AIMP1: variants seen among roughly 807,000 people sequenced by gnomAD.
AIMP1 encodes aminoacyl tRNA synthetase complex interacting multifunctional protein 1.
In AIMP1, 24 loss-of-function variants were observed where a neutral mutation model predicts 33.1. That is an observed-to-expected ratio of 0.73 (90% CI 0.53 to 1.02). The LOEUF is 1.02. Ranked by LOEUF, AIMP1 falls within the 50% of genes least tolerant of loss-of-function variation. The pLI is 0.00. For missense variants in AIMP1, 367 were observed against 364.8 expected (o/e 1.01, Z -0.05); for synonymous variants, 120 against 121.5 (o/e 0.99, Z 0.08).
At chr4:106,330,093 A>G (rs956899407) in intron 4 of AIMP1, among the ~76,000 whole-genome samples, 1 of 152,070 alleles carries the variant, frequency 6.6e-6, no homozygotes. Flanking sequence ...AGACTGCCAC[A>G]TATCTTAATT....
At chr4:106,318,987 T>C (rs773513453) in intron 1 of AIMP1, among the ~76,000 whole-genome samples, 12 of 152,148 alleles carry the variant, frequency 7.9e-5, no homozygotes, top group Admixed American at 3.3e-4. Context: ...CTTCTTGGGA[T>C]TGAAGCCATT....
chr4:106,322,212 C>G (rs1165595515), intron 1 of AIMP1, among the ~76,000 whole-genome samples: 1 of 151,902 alleles, frequency 6.6e-6, no homozygotes, highest in African/African-American at 2.4e-5. Context: ...ATCTGCTGAC[C>G]TTCCCTCCAC....
At chr4:106,333,252 G>A (rs1769747275) in intron 5 of AIMP1, among the ~76,000 whole-genome samples, 1 of 152,072 alleles carries the variant, frequency 6.6e-6, no homozygotes, top group Admixed American at 6.6e-5. Context: ...AAAAACAAGG[G>A]TGTTACTTGT....
upstream of AIMP1, chr4:106,316,501 C>T (rs1277594606): frequency 2.6e-6 from 4 of 1,535,844 alleles, no homozygotes; most frequent in Admixed American, 2.0e-5. Flanking sequence ...AAGGACACCT[C>T]ATTGGGTCCT....
chr4:106,335,533 T>C (rs986903811), intron 5 of AIMP1, among the ~76,000 whole-genome samples: 2 of 152,208 alleles, frequency 1.3e-5, no homozygotes, highest in Non-Finnish European at 2.9e-5. Context: ...TGGTACATTT[T>C]TCTAGGGAAA....
In AIMP1 at chr4:106,321,212, C is replaced by T. The variant is rs532393959; in HGVS notation, c.-25-3773C>T. 3.5e-3 allele frequency: 563 copies of T among 161,272 alleles called. 3 individuals carry two copies. The highest frequency in any genetic ancestry group is 0.013 in the African/African-American group (531 of 41,412). The allele number at this position is 161,272 out of a possible 1,614,324, so 10.0% of individuals were successfully genotyped here. ...GCGTCTTTGCCTGGCCGCCCATCGT[C>T]GGGGATGTGAGGAGCCCCTCTGCCC... On this transcript the variant is annotated intron_variant, in intron 1 of 6. Transcript: ENST00000672341.
At chr4:106,334,054 C>T (rs938867638) in intron 5 of AIMP1, among the ~76,000 whole-genome samples, 8 of 152,130 alleles carry the variant, frequency 5.3e-5, no homozygotes, top group African/African-American at 1.7e-4. Flanking sequence ...TTTCCTCTGT[C>T]CCATGGTGCT....
intron 1 of AIMP1, among the ~76,000 whole-genome samples, chr4:106,320,974 C>T (rs1308741956): frequency 6.6e-6 from 1 of 152,214 alleles, no homozygotes; most frequent in African/African-American, 2.4e-5. Context: ...TCTCCAGCTC[C>T]TGACCGCGAG....
chr4:106,347,282 T>C (rs1770340272), intron 6 of AIMP1, among the ~76,000 whole-genome samples: 1 of 152,078 alleles, frequency 6.6e-6, no homozygotes, highest in South Asian at 2.1e-4. Flanking sequence ...TTATTACTTA[T>C]AAAATATAAG....
At chr4:106,334,310 G>A (rs1769790046) in intron 5 of AIMP1, among the ~76,000 whole-genome samples, 1 of 150,028 alleles carries the variant, frequency 6.7e-6, no homozygotes, top group Non-Finnish European at 1.5e-5. Flanking sequence ...ACCCAGGCTG[G>A]AGTGCAGTGG....
intron 1 of AIMP1, among the ~76,000 whole-genome samples, chr4:106,323,965 T>C (rs1769366112): frequency 6.6e-6 from 1 of 152,124 alleles, no homozygotes; most frequent in Admixed American, 6.5e-5. Flanking sequence ...TATAGACTGA[T>C]GCTCAAAAAT....
At position 106,331,789 on chromosome 4, in the gene AIMP1, A is replaced by C. The variant is rs1320664515; in HGVS notation, c.509A>C (p.Asp170Ala). 2.5e-6 allele frequency: 4 copies of C among 1,614,022 alleles called. No homozygotes were observed. The highest frequency in any genetic ancestry group is 2.7e-5 in the African/African-American group (2 of 74,928). The change falls in exon 5 of 7, where the codon GAT becomes GCT. Residue 170 changes from aspartate (D) to alanine (A), a missense_variant. Coordinates refer to ENST00000672341, the MANE Select transcript of AIMP1 (RefSeq NM_001142416.2). ...GCIITARKHP[D>A]ADSLYVEEVD... ...ATCATAACTGCTAGAAAACACCCTG[A>C]TGCAGATTCTTTGTATGTGGAAGAA... is the stretch of plus-strand genomic sequence containing the variant.
intron 1 of AIMP1, 124 bp downstream of exon 1, chr4:106,316,718 G>A (rs1768928200): frequency 5.6e-6 from 5 of 889,558 alleles, no homozygotes; most frequent in South Asian, 1.7e-5. Flanking sequence ...TAGTCCGTTC[G>A]CAGCAGGACC....
At chr4:106,332,767 C>G (rs1288407808) in intron 5 of AIMP1, among the ~76,000 whole-genome samples, 1 of 151,532 alleles carries the variant, frequency 6.6e-6, no homozygotes, top group Non-Finnish European at 1.5e-5. Context: ...CTATACTGTT[C>G]AGCTTTACTG....
At chr4:106,345,414 A>C (rs1337415404) in intron 6 of AIMP1, among the ~76,000 whole-genome samples, 2 of 152,198 alleles carry the variant, frequency 1.3e-5, no homozygotes, top group Non-Finnish European at 2.9e-5. Flanking sequence ...CAATATATGC[A>C]CAAGATTATG....
intron 3 of AIMP1, 57 bp from the exon 4 acceptor site, chr4:106,328,018 AT>A: frequency 2.5e-6 from 4 of 1,595,774 alleles, no homozygotes; most frequent in Non-Finnish European, 3.4e-6. Flanking sequence ...ACAATTTCAT[AT>A]TTTTTGTCAT....
intron 5 of AIMP1, among the ~76,000 whole-genome samples, chr4:106,332,667 CTATAGA>C (rs150427941): frequency 1.4e-5 from 2 of 147,396 alleles, no homozygotes; most frequent in African/African-American, 5.0e-5. Flanking sequence ...TTTTATGTAT[CTATAGA>C]TATATACTCA....
chr4:106,332,010 A>C, intron 5 of AIMP1, 127 bp downstream of exon 5: 1 of 903,874 alleles, frequency 1.1e-6, no homozygotes, highest in Non-Finnish European at 1.8e-6. Context: ...TCAGTCGATT[A>C]GTTTGAATGT....
intron 6 of AIMP1, among the ~76,000 whole-genome samples, chr4:106,337,489 G>A (rs1422055898): frequency 6.6e-6 from 1 of 152,110 alleles, no homozygotes; most frequent in Non-Finnish European, 1.5e-5. Flanking sequence ...ACATGCCTTT[G>A]CTCCTCCTTT....
Sources: gnomAD v4.1 joint callset for allele counts (sites outside exome capture counted in the v4.1 genomes callset) on GRCh38, gnomAD v4.1.1 for gene constraint, MANE v1.5 for transcripts, NCBI Gene and HGNC (gene_info 2026-07-23, HGNC 2026-07-21) for gene names.